Variants in IQCJ observed in about 807,000 individuals in gnomAD.
IQCJ encodes IQ domain-containing protein J.
In IQCJ, 9 loss-of-function variants were observed where a neutral mutation model predicts 11.0. The observed-to-expected ratio is 0.82, with a 90% CI of 0.49 to 1.43. The LOEUF is 1.43. Among genes scored for constraint, IQCJ ranks in the 40% most tolerant of loss-of-function variants. The pLI, the probability that IQCJ is intolerant of heterozygous loss-of-function variation, is 0.00. For synonymous variants in IQCJ, 55 were observed against 51.3 expected (o/e 1.07, Z -0.31); for missense variants, 146 against 133.2 (o/e 1.10, Z -0.47).
At chr3:159,214,973 G>A (rs1725145863) in intron 1 of IQCJ, among the ~76,000 whole-genome samples, 1 of 152,176 alleles carries the variant, frequency 6.6e-6, no homozygotes, top group Admixed American at 6.5e-5. Flanking sequence ...TTCAAAAGAA[G>A]ATATTGGGGA....
chr3:159,234,531 C>T (rs1031620205), intron 1 of IQCJ, among the ~76,000 whole-genome samples: 1 of 152,078 alleles, frequency 6.6e-6, no homozygotes, highest in Non-Finnish European at 1.5e-5. Flanking sequence ...GGGCCCGGCA[C>T]GGTGATTCAT....
intron 2 of IQCJ, among the ~76,000 whole-genome samples, chr3:159,248,494 G>A (rs1050340301): frequency 6.6e-6 from 1 of 152,210 alleles, no homozygotes; most frequent in Non-Finnish European, 1.5e-5. Context: ...ACAGTAGAAT[G>A]AAGACTTTTC....
At chr3:159,188,163 C>A (rs1344285472) in intron 1 of IQCJ, among the ~76,000 whole-genome samples, 1 of 152,188 alleles carries the variant, frequency 6.6e-6, no homozygotes, top group Non-Finnish European at 1.5e-5. Context: ...GTAATCCCAG[C>A]ACTTTGGGAG....
intron 1 of IQCJ, among the ~76,000 whole-genome samples, chr3:159,220,919 C>T (rs1230467254): frequency 1.3e-5 from 2 of 152,168 alleles, no homozygotes; most frequent in African/African-American, 4.8e-5. Flanking sequence ...ACACTGCTCC[C>T]ACACCACTGT....
intron 1 of IQCJ, among the ~76,000 whole-genome samples, chr3:159,104,850 G>A (rs1718151684): frequency 6.6e-6 from 1 of 152,088 alleles, no homozygotes; most frequent in African/African-American, 2.4e-5. Flanking sequence ...CGTCTGTTCT[G>A]TGCTTATTAT....
chr3:159,076,192 A>T (rs1026825588), intron 1 of IQCJ, among the ~76,000 whole-genome samples: 2 of 151,972 alleles, frequency 1.3e-5, no homozygotes, highest in Admixed American at 1.3e-4. Context: ...CCATCTGCTC[A>T]TCCTCACCTA....
chr3:159,218,055 A>G (rs1478696867), intron 1 of IQCJ, among the ~76,000 whole-genome samples: 1 of 138,702 alleles, frequency 7.2e-6, no homozygotes, highest in Non-Finnish European at 1.6e-5. Context: ...AATAATAATA[A>G]TAGCAAACAC....
chr3:159,165,717 A>G (rs895086725), intron 1 of IQCJ, among the ~76,000 whole-genome samples: 1 of 150,898 alleles, frequency 6.6e-6, no homozygotes, highest in Non-Finnish European at 1.5e-5. Context: ...GGGTTCAAGC[A>G]ATTCTCCTGC....
chr3:159,219,309 T>TA (rs140040350), intron 1 of IQCJ, among the ~76,000 whole-genome samples: 350 of 151,486 alleles, frequency 2.3e-3, no homozygotes, highest in African/African-American at 7.1e-3. Context: ...ACTTAGAATT[T>TA]AAAAAAAAAC....
intron 1 of IQCJ, among the ~76,000 whole-genome samples, chr3:159,202,974 T>G (rs1362755456): frequency 6.6e-6 from 1 of 152,082 alleles, no homozygotes; most frequent in East Asian, 1.9e-4. Context: ...CATAGATTCT[T>G]TTTGATAAGG....
chr3:159,193,639 G>A (rs1723813206), intron 1 of IQCJ, among the ~76,000 whole-genome samples: 1 of 152,160 alleles, frequency 6.6e-6, no homozygotes, highest in African/African-American at 2.4e-5. Flanking sequence ...TATGAGCAAA[G>A]GAAGAAAATC....
At chr3:159,249,382 C>A (rs542185918) in intron 2 of IQCJ, among the ~76,000 whole-genome samples, 2 of 152,198 alleles carry the variant, frequency 1.3e-5, no homozygotes, top group East Asian at 3.9e-4. Context: ...TGGAAATGAC[C>A]AGTTTGTTTT....
intron 1 of IQCJ, among the ~76,000 whole-genome samples, chr3:159,121,389 C>A (rs898432251): frequency 6.6e-6 from 1 of 152,176 alleles, no homozygotes; most frequent in Non-Finnish European, 1.5e-5. Flanking sequence ...CCACCTCAGC[C>A]TCCCAAAGTG....
chr3:159,234,468 T>C (rs1169906181), intron 1 of IQCJ, among the ~76,000 whole-genome samples: 1 of 152,132 alleles, frequency 6.6e-6, no homozygotes, highest in Non-Finnish European at 1.5e-5. Context: ...AAGATTGTTT[T>C]TGTTTAAGTT....
chr3:159,073,719 T>A (rs1182494420), intron 1 of IQCJ, among the ~76,000 whole-genome samples: 1 of 152,098 alleles, frequency 6.6e-6, no homozygotes, highest in Non-Finnish European at 1.5e-5. Context: ...CCACTCTGAT[T>A]TATAATTCCA....
intron 1 of IQCJ, among the ~76,000 whole-genome samples, chr3:159,090,515 C>T (rs1251973300): frequency 6.6e-6 from 1 of 151,786 alleles, no homozygotes; most frequent in Non-Finnish European, 1.5e-5. Context: ...GTGGGTGGGG[C>T]TGGTCCAGGT....
intron 1 of IQCJ, among the ~76,000 whole-genome samples, chr3:159,135,204 G>A (rs1720217446): frequency 6.6e-6 from 1 of 152,020 alleles, no homozygotes; most frequent in Admixed American, 6.6e-5. Flanking sequence ...TTCTTGCAAG[G>A]CTTACTTGGT....
chr3:159,085,840 G>T (rs561334412), intron 1 of IQCJ, among the ~76,000 whole-genome samples: 204 of 150,408 alleles, frequency 1.4e-3, no homozygotes, highest in African/African-American at 4.5e-3. Flanking sequence ...TGAGTAGGTT[G>T]TGAAAATTTT....
chr3:159,074,750 C>T (rs950936968), intron 1 of IQCJ, among the ~76,000 whole-genome samples: 12 of 151,932 alleles, frequency 7.9e-5, no homozygotes, highest in African/African-American at 2.9e-4. Context: ...TGTAGAAACA[C>T]CTTTTTGGGA....
Sources: allele counts gnomAD v4.1 joint callset (sites outside exome capture counted in the v4.1 genomes callset), GRCh38; gene constraint gnomAD v4.1.1; transcripts MANE v1.5; gene names NCBI Gene and HGNC (gene_info 2026-07-23, HGNC 2026-07-21).